The following SUPT3H variants were observed in gnomAD, a reference collection of about 807,000 sequenced individuals.
SUPT3H encodes SPT3 homolog, SAGA and STAGA complex component, also known as transcription initiation protein SPT3 homolog.
In SUPT3H, 44 loss-of-function variants were observed where a neutral mutation model predicts 44.3. The observed-to-expected ratio is 0.99, with a 90% CI of 0.78 to 1.28. The LOEUF (loss-of-function observed/expected upper bound fraction) is 1.28, where lower values mean the gene tolerates loss of function less well. Ranked by LOEUF, SUPT3H falls within the 50% of genes most tolerant of loss-of-function variation. The pLI is 0.00. For synonymous variants in SUPT3H, 124 were observed against 125.6 expected (o/e 0.99, Z 0.09); for missense variants, 380 against 387.1 (o/e 0.98, Z 0.15).
chr6:45,064,805 T>C (rs1177971104), intron 3 of SUPT3H, among the ~76,000 whole-genome samples: 1 of 148,606 alleles, frequency 6.7e-6, no homozygotes, highest in Non-Finnish European at 1.5e-5. Context: ...CGCAGATTCA[T>C]AAAGCAAGTC....
chr6:44,906,028 G>A (rs147273798), intron 10 of SUPT3H, among the ~76,000 whole-genome samples: 2,715 of 152,194 alleles, frequency 0.018, 52 homozygotes, highest in South Asian at 0.092. Flanking sequence ...CCTGTTGTGC[G>A]GTGGGGGGAT....
intron 3 of SUPT3H, among the ~76,000 whole-genome samples, chr6:45,082,747 C>T (rs1015772007): frequency 5.3e-5 from 8 of 152,070 alleles, no homozygotes; most frequent in African/African-American, 1.9e-4. Flanking sequence ...TACTTCTACT[C>T]AACATAGTAC....
intron 2 of SUPT3H, among the ~76,000 whole-genome samples, chr6:45,153,096 A>G (rs529558856): frequency 6.6e-6 from 1 of 152,222 alleles, no homozygotes; most frequent in African/African-American, 2.4e-5. Context: ...CTCAAATATC[A>G]CCTTTCAGAT....
intron 1 of SUPT3H, among the ~76,000 whole-genome samples, chr6:45,373,277 C>G (rs1381910632): frequency 6.6e-6 from 1 of 152,120 alleles, no homozygotes; most frequent in Non-Finnish European, 1.5e-5. Flanking sequence ...ATTTAACCTT[C>G]ACTACCCATT....
chr6:44,900,453 A>G (rs1000897003), intron 10 of SUPT3H, among the ~76,000 whole-genome samples: 5 of 152,216 alleles, frequency 3.3e-5, no homozygotes, highest in African/African-American at 1.2e-4. Context: ...ATCAAACCGC[A>G]AGGCGGCAGC....
chr6:45,221,992 A>AT (rs1562726030), intron 2 of SUPT3H, among the ~76,000 whole-genome samples: 1 of 152,134 alleles, frequency 6.6e-6, no homozygotes, highest in Non-Finnish European at 1.5e-5. Flanking sequence ...TGGCTCACAG[A>AT]TTTTTTAGAA....
intron 5 of SUPT3H, among the ~76,000 whole-genome samples, chr6:45,006,929 T>C (rs1782799745): frequency 6.6e-6 from 1 of 152,202 alleles, no homozygotes; most frequent in African/African-American, 2.4e-5. Context: ...ATTCTTCCTT[T>C]TTCTAACTTT....
intron 3 of SUPT3H, among the ~76,000 whole-genome samples, chr6:45,077,639 A>AAAAAAAAAAAG (rs1352811157): frequency 1.2e-5 from 1 of 85,834 alleles, no homozygotes; most frequent in Non-Finnish European, 2.1e-5. Flanking sequence ...AAAAAAAAAA[A>AAAAAAAAAAAG]AAAGAAAAGA....
chr6:44,957,979 CAA>C (rs1187450633), intron 7 of SUPT3H, among the ~76,000 whole-genome samples: 2 of 152,084 alleles, frequency 1.3e-5, no homozygotes, highest in Middle Eastern at 3.2e-3. Flanking sequence ...TTGGTTCCAG[CAA>C]AAGAGGCACA....
intron 2 of SUPT3H, among the ~76,000 whole-genome samples, chr6:45,327,015 G>A (rs919685346): frequency 6.6e-6 from 1 of 151,666 alleles, no homozygotes; most frequent in Non-Finnish European, 1.5e-5. Flanking sequence ...ATACTCCATC[G>A]CTCCCAACTG....
chr6:45,169,234 G>A (rs1350438601), intron 2 of SUPT3H, among the ~76,000 whole-genome samples: 5 of 152,010 alleles, frequency 3.3e-5, no homozygotes. Context: ...TAAACTCCAT[G>A]GCTGATTTTT....
intron 6 of SUPT3H, among the ~76,000 whole-genome samples, chr6:44,982,242 G>A (rs530348525): frequency 6.6e-6 from 1 of 150,472 alleles, no homozygotes; most frequent in African/African-American, 2.4e-5. Context: ...CTTTTTTTTT[G>A]AGATGGAGTC....
At chr6:44,980,806 T>C (rs1582880949) in intron 6 of SUPT3H, among the ~76,000 whole-genome samples, 1 of 152,356 alleles carries the variant, frequency 6.6e-6, no homozygotes, top group Middle Eastern at 3.4e-3. Flanking sequence ...ATGCAATTTA[T>C]GTAGCTTTAA....
intron 3 of SUPT3H, among the ~76,000 whole-genome samples, chr6:45,079,701 G>T (rs931528349): frequency 6.6e-6 from 1 of 152,108 alleles, no homozygotes; most frequent in Admixed American, 6.5e-5. Context: ...ATTGGGCAAA[G>T]GACAGTCTCT....
intron 2 of SUPT3H, among the ~76,000 whole-genome samples, chr6:45,120,775 G>C (rs1801547000): frequency 6.6e-6 from 1 of 151,950 alleles, no homozygotes; most frequent in South Asian, 2.1e-4. Context: ...AAGAATTAAG[G>C]GTAAATATTA....
At chr6:44,904,026 C>CAA (rs1338765819) in intron 10 of SUPT3H, among the ~76,000 whole-genome samples, 1 of 152,054 alleles carries the variant, frequency 6.6e-6, no homozygotes, top group East Asian at 1.9e-4. Context: ...TGATGGGATG[C>CAA]ATCTCAAAAT....
intron 2 of SUPT3H, among the ~76,000 whole-genome samples, chr6:45,138,654 C>A (rs1804700030): frequency 6.6e-6 from 1 of 151,348 alleles, no homozygotes; most frequent in South Asian, 2.1e-4. Context: ...TATGAAATGC[C>A]CAGAAGAGGC....
chr6:44,900,327 T>C (rs1189931539), intron 10 of SUPT3H, among the ~76,000 whole-genome samples: 3 of 152,212 alleles, frequency 2.0e-5, no homozygotes, highest in East Asian at 1.9e-4. Context: ...GCCACCCTAA[T>C]ACTGCGCTTT....
intron 2 of SUPT3H, among the ~76,000 whole-genome samples, chr6:45,282,746 T>C (rs1357397111): frequency 1.3e-5 from 2 of 152,124 alleles, no homozygotes; most frequent in Admixed American, 6.5e-5. Context: ...GCCACAAAGA[T>C]ACTCCTCGAG....
Sources: gnomAD v4.1 joint callset for allele counts (sites outside exome capture counted in the v4.1 genomes callset) on GRCh38, gnomAD v4.1.1 for gene constraint, MANE v1.5 for transcripts, NCBI Gene and HGNC (gene_info 2026-07-23, HGNC 2026-07-21) for gene names.